The following SIGLEC8 variants were observed in gnomAD, a reference collection of about 807,000 sequenced individuals.
The protein encoded by SIGLEC8 is sialic acid-binding Ig-like lectin 8.
SIGLEC8 carries 32 observed loss-of-function variants against 42.1 expected under a neutral mutation model. The ratio of observed to expected loss-of-function variants is 0.76; its 90% confidence interval spans 0.57 to 1.02. The LOEUF (loss-of-function observed/expected upper bound fraction) is 1.02, where lower values mean the gene tolerates loss of function less well. Among genes scored for constraint, SIGLEC8 ranks in the 50% least tolerant of loss-of-function variants. SIGLEC8 has a pLI of 0.00. For synonymous variants in SIGLEC8, 262 were observed against 260.3 expected (o/e 1.01, Z -0.06); for missense variants, 611 against 610.2 (o/e 1.00, Z -0.01).
chr19:51,453,705 TAAAA>T, intron 6 of SIGLEC8: 1 of 967,896 alleles, frequency 1.0e-6, no homozygotes, highest in Non-Finnish European at 1.2e-6. Flanking sequence ...GAGAAAAAAA[TAAAA>T]ATAAGAAATG....
intron 6 of SIGLEC8, among the ~76,000 whole-genome samples, 162 bp from the exon 7 acceptor site, chr19:51,452,795 G>T (rs1361698831): frequency 3.3e-5 from 5 of 152,184 alleles, no homozygotes; most frequent in Admixed American, 2.6e-4. Context: ...CACTTACTGA[G>T]CACCTGTTTG....
At position 51,452,409 on chromosome 19, in the gene SIGLEC8, G is replaced by C; in HGVS notation, c.1470C>G (p.His490Gln). 1.9e-6 allele frequency: 3 copies of C among 1,607,784 alleles called. No homozygotes were observed. The highest frequency in any genetic ancestry group is 2.6e-6 in the Non-Finnish European group (3 of 1,174,634). The change falls in exon 7 of 7, where the codon CAC (histidine) becomes CAG (glutamine). Residue 490 changes from histidine to glutamine, a missense_variant. Coordinates refer to ENST00000321424, the MANE Select transcript of SIGLEC8 (RefSeq NM_014442.3). The part of the protein sequence containing the change: ...TAETQACLRN[H>Q]NPSSKEVRG Reference sequence around the variant, plus strand: ...CTCTGACTTCTTTGCTGGAGGGGTTGTGATTCCTCAAACAGGCCTGAGTCT... The same window carrying C: ...CTCTGACTTCTTTGCTGGAGGGGTTCTGATTCCTCAAACAGGCCTGAGTCT...
At chr19:51,456,022 C>T (rs534812136) in intron 3 of SIGLEC8, among the ~76,000 whole-genome samples, 1 of 144,416 alleles carries the variant, frequency 6.9e-6, no homozygotes, top group East Asian at 2.0e-4. Context: ...GGGAACTGAA[C>T]AATGAGAACA....
intron 3 of SIGLEC8, 34 bp downstream of exon 3, chr19:51,457,150 C>A: frequency 1.3e-6 from 2 of 1,598,540 alleles, no homozygotes; most frequent in Non-Finnish European, 1.7e-6. Flanking sequence ...GAAGGCCCTG[C>A]TCCCCCAACC....
chr19:51,453,384 G>T, intron 6 of SIGLEC8: 1 of 985,104 alleles, frequency 1.0e-6, no homozygotes, highest in African/African-American at 1.7e-5. Context: ...GAGGGAGGTG[G>T]CAACAAATGA....
chr19:51,452,381 A>G lies in SIGLEC8; in HGVS notation c.1498T>C (p.Ter500ArgextTer3). Residue 500 changes from the stop codon to arginine (R), a stop_lost, in exon 7 of 7, where the codon TGA becomes CGA. Transcript: ENST00000321424. ...AGAGGGTTCTTGTTCTATGAGAATC[A>G]GCCTCTGACTTCTTTGCTGGAGGGG... The part of the protein sequence containing the change: ...HNPSSKEVRG[*>R] 1 of 1,594,708 alleles carries G rather than the reference A, an allele frequency of 6.3e-7. No individual in the cohort carries two copies. Among genetic ancestry groups the G allele is most frequent in the Non-Finnish European group, 8.6e-7 (1 of 1,164,116 alleles).
chr19:51,454,439 C>T lies in SIGLEC8; in HGVS notation c.1149-124G>A. 1 of 1,551,356 alleles carries T rather than the reference C, an allele frequency of 6.4e-7. No homozygotes were observed. Among genetic ancestry groups the T allele is most frequent in the Non-Finnish European group, 8.8e-7 (1 of 1,139,006 alleles). On this transcript the variant is annotated intron_variant, in intron 5 of 6. Transcript: ENST00000321424. This position sits in a 1 kb window ranked among gnomAD's most constrained non-coding sequence, Gnocchi z 4.7. ...TGACCGAGGCGCAACGGCGGTGGTC[C>T]AGTTCCAGAGACCCCAACGGTGAAA...
Position 51,454,359 on chromosome 19 carries a change from G to A in SIGLEC8, c.1149-44C>T, listed in dbSNP as rs181166094. ...GAGCCTTTCAGTGTGGTCAGATCGG[G>A]GTGCAGTGGGCAGACCAACCCCTGC... On this transcript the variant is annotated intron_variant, in intron 5 of 6. Coordinates refer to ENST00000321424, the MANE Select transcript of SIGLEC8 (RefSeq NM_014442.3). The surrounding 1 kb of genome is among the most constrained non-coding windows in gnomAD (Gnocchi z 4.7). The A allele has an allele frequency of 5.0e-5, 81 of 1,612,192 alleles. No homozygotes were observed. In the Middle Eastern group the frequency reaches 8.8e-4, roughly 18 times the overall value.
intron 3 of SIGLEC8, among the ~76,000 whole-genome samples, chr19:51,456,170 T>C (rs1454077700): frequency 3.3e-5 from 5 of 152,032 alleles, no homozygotes; most frequent in Admixed American, 6.6e-5. Flanking sequence ...TATACATATG[T>C]AACAAACCTG....
chr19:51,453,670 A>G (rs2122141658), intron 6 of SIGLEC8: 4 of 852,842 alleles, frequency 4.7e-6, no homozygotes, highest in South Asian at 5.4e-5. Flanking sequence ...ACTCCAGCCT[A>G]GGTGACAGAG....
At position 51,458,090 on chromosome 19, in the gene SIGLEC8, C is replaced by T. The variant is rs767171247; in HGVS notation, c.298G>A (p.Gly100Arg). ...AETQGRFQLL[G>R]DIWSNDCSLS... ...GAGCAGTCGTTGCTCCAAATGTCCC[C>T]AAGGAGTTGGAATCGGCCCTGGGTC... The change falls in exon 1 of 7, where the codon GGG becomes AGG. Residue 100 changes from glycine to arginine, a missense_variant. Physicochemically the swap from Gly to Arg is moderately radical, Grantham distance 125. Coordinates refer to ENST00000321424, the MANE Select transcript of SIGLEC8 (RefSeq NM_014442.3). The T allele has an allele frequency of 1.2e-5, 20 of 1,614,162 alleles. No individual in the cohort carries two copies. Among genetic ancestry groups the T allele is most frequent in the Non-Finnish European group, 1.7e-5 (20 of 1,180,030 alleles).
At chr19:51,456,568 G>A (rs1337524805) in intron 3 of SIGLEC8, among the ~76,000 whole-genome samples, 2 of 152,228 alleles carry the variant, frequency 1.3e-5, no homozygotes, top group East Asian at 3.8e-4. Context: ...ATGCCACAAA[G>A]TCAGAGTCCA....
In SIGLEC8 at chr19:51,458,244, G is replaced by A. The variant is rs1405825099; in HGVS notation, c.144C>T (p.Ser48=). The change falls in exon 1 of 7, where the codon TCC becomes TCT. Residue 48 remains serine, a synonymous_variant. Transcript: ENST00000321424. ...QEGLCVHVPC[S]FSYPQDGWTD... is the part of the protein sequence containing the mutation. ...TCCAGCCATCCTGGGGGTAGGAGAA[G>A]GAGCAGGGCACATGGACACACAGGC... 3 of 1,614,154 alleles carry A rather than the reference G, an allele frequency of 1.9e-6. No individual in the cohort carries two copies. In the East Asian group the frequency reaches 6.7e-5, roughly 36 times the overall value.
At position 51,454,490 on chromosome 19, in the gene SIGLEC8, T is replaced by C. The variant is rs1267220736; in HGVS notation, c.1149-175A>G. On this transcript the variant is annotated intron_variant, in intron 5 of 6. Transcript: ENST00000321424. This position sits in a 1 kb window ranked among gnomAD's most constrained non-coding sequence, Gnocchi z 4.7. ...ACAGAGGCTCCTGCCTCATGGATGG[T>C]GGGGCCCGAGGTTGCTACAGATGTG... 6.6e-6 allele frequency among the ~76,000 whole-genome samples: 1 copy of C among 152,060 alleles called. No individual in the cohort carries two copies. The highest frequency in any genetic ancestry group is 2.4e-5 in the African/African-American group (1 of 41,388).
rs1217862167 is a variant in SIGLEC8 at position 51,458,079 on chromosome 19, C to T, written c.309G>A (p.Trp103Ter). The change falls in exon 1 of 7, where the codon TGG becomes TGA. Residue 103 changes from tryptophan to a stop codon, truncating the protein, a stop_gained. Coordinates refer to ENST00000321424, the MANE Select transcript of SIGLEC8 (RefSeq NM_014442.3). LOFTEE classifies it high-confidence loss of function. ...TGATGCTCAGGGAGCAGTCGTTGCT[C>T]CAAATGTCCCCAAGGAGTTGGAATC... ...QGRFQLLGDIWSNDCSLSIRD... is the reference protein window; with the variant it reads ...QGRFQLLGDI 2.5e-6 allele frequency: 4 copies of T among 1,614,184 alleles called. No homozygotes were observed. In the Admixed American group the frequency reaches 5.0e-5, roughly 20 times the overall value.
At chr19:51,453,757 G>A (rs965837942) in intron 6 of SIGLEC8, 86 of 984,522 alleles carry the variant, frequency 8.7e-5, no homozygotes, top group Admixed American at 1.8e-4. Context: ...CGGGCAAAAC[G>A]AGAGTAAATG....
In SIGLEC8 at chr19:51,458,366, G is replaced by C. The variant is rs1257821312; in HGVS notation, c.22C>G (p.Leu8Val). 6.2e-7 allele frequency: 1 copy of C among 1,612,040 alleles called. No individual in the cohort carries two copies. The highest frequency in any genetic ancestry group is 1.7e-5 in the Admixed American group (1 of 59,964). Residue 8 changes from leucine (L) to valine (V), a missense_variant, in exon 1 of 7, where the codon CTG (leucine) becomes GTG (valine). Transcript: ENST00000321424. MLLLLLL[L>V]PLLWGTKGME... ...CCCTTTGTCCCCCAGAGCAGGGGCA[G>C]CAGCAGCAGCAGCAGCAGCATGTCT...
chr19:51,458,299 T>C lies in SIGLEC8; in HGVS notation c.89A>G (p.Gln30Arg). Residue 30 changes from glutamine to arginine, a missense_variant, in exon 1 of 7, where the codon CAA becomes CGA. Transcript: ENST00000321424. The part of the protein sequence containing the change: ...DRQYGDGYLL[Q>R]VQELVTVQEG... ...CTGCACCGTCACCAGCTCCTGCACT[T>C]GCAGCAAGTAACCATCCCCATATTG... 6.2e-7 allele frequency: 1 copy of C among 1,614,098 alleles called. No homozygotes were observed. The highest frequency in any genetic ancestry group is 8.5e-7 in the Non-Finnish European group (1 of 1,179,982).
Position 51,452,216 on chromosome 19 carries a change from G to T in SIGLEC8, c.*163C>A, listed in dbSNP as rs1385949281. ...ATCTAAAATAGTCAACCTCAGAGAG[G>T]TCGAGAGGAGAATGGTGGGTAGTAG... On this transcript the variant is annotated 3_prime_UTR_variant, in exon 7 of 7. Transcript: ENST00000321424. The T allele has an allele frequency of 1.8e-6, 1 of 545,818 alleles. No homozygotes were observed. The highest frequency in any genetic ancestry group is 3.3e-6 in the Non-Finnish European group (1 of 306,908). 33.8% of individuals were successfully genotyped at this position (545,818 alleles called of 1,614,324 possible). A position where few individuals can be genotyped will look rare whatever the true frequency, so the allele number is the denominator to read the frequency against.
Sources: allele counts gnomAD v4.1 joint callset (sites outside exome capture counted in the v4.1 genomes callset), GRCh38; gene constraint gnomAD v4.1.1; non-coding constraint Gnocchi (gnomAD v3.1); transcripts MANE v1.5; gene names NCBI Gene and HGNC (gene_info 2026-07-23, HGNC 2026-07-21).